PRKACB: variants seen among roughly 807,000 people sequenced by gnomAD.
The protein encoded by PRKACB is cAMP-dependent protein kinase catalytic subunit beta.
In PRKACB, 16 loss-of-function variants were observed where a neutral mutation model predicts 51.4. The ratio of observed to expected loss-of-function variants is 0.31; its 90% confidence interval spans 0.21 to 0.47. PRKACB has a LOEUF of 0.47. Among genes scored for constraint, PRKACB ranks in the 20% least tolerant of loss-of-function variants. PRKACB has a pLI of 1.00. For missense variants in PRKACB, 309 were observed against 464.5 expected (o/e 0.67, Z 3.08); for synonymous variants, 147 against 154.4 (o/e 0.95, Z 0.35).
At chr1:84,192,934 G>A (rs1305365393) in intron 5 of PRKACB, among the ~76,000 whole-genome samples, 1 of 152,064 alleles carries the variant, frequency 6.6e-6, no homozygotes, top group African/African-American at 2.4e-5. Context: ...CACAGGTGCT[G>A]AATACACAAG....
chr1:84,195,902 G>A (rs1476637552), intron 5 of PRKACB, among the ~76,000 whole-genome samples: 1 of 97,804 alleles, frequency 1.0e-5, no homozygotes, highest in African/African-American at 3.8e-5. Flanking sequence ...AACAGAGCAA[G>A]ACTGTGTCTC....
intron 5 of PRKACB, among the ~76,000 whole-genome samples, chr1:84,194,900 C>T (rs1301989419): frequency 6.6e-6 from 1 of 152,064 alleles, no homozygotes; most frequent in African/African-American, 2.4e-5. Flanking sequence ...TACAGCACTC[C>T]AGCCTGGTGA....
intron 5 of PRKACB, among the ~76,000 whole-genome samples, chr1:84,191,770 C>T (rs1278260438): frequency 1.3e-5 from 2 of 152,036 alleles, no homozygotes; most frequent in Admixed American, 6.6e-5. Context: ...ATACCCCAAA[C>T]CTCAGGATCA....
chr1:84,085,998 GGT>G, intron 1 of PRKACB: 1 of 762,212 alleles, frequency 1.3e-6, no homozygotes, highest in Non-Finnish European at 2.4e-6. Flanking sequence ...CACGCACAGT[GGT>G]GTGGACCCTG....
Position 84,179,244 on chromosome 1 carries a change from G to A in PRKACB, c.249+6G>A, listed in dbSNP as rs759100084. The A allele has an allele frequency of 2.1e-5, 33 of 1,557,358 alleles. No homozygotes were observed. Among genetic ancestry groups the A allele is most frequent in the Non-Finnish European group, 2.8e-5 (32 of 1,154,604 alleles). On this transcript the variant is annotated splice_donor_region_variant and intron_variant, in intron 2 of 9. Coordinates refer to ENST00000370685, the MANE Select transcript of PRKACB (RefSeq NM_182948.4). ...AATGGGAGAATCCAACTCAGGTAAG[G>A]AATATTTAGATTTTTCTAAAATTAA...
At chr1:84,112,641 C>T (rs1017023704) in intron 1 of PRKACB, among the ~76,000 whole-genome samples, 4 of 152,184 alleles carry the variant, frequency 2.6e-5, no homozygotes, top group African/African-American at 9.6e-5. Flanking sequence ...TCATTTTCTG[C>T]TTAAATTGAC....
chr1:84,137,663 A>G (rs1383480674), intron 1 of PRKACB, among the ~76,000 whole-genome samples: 1 of 152,258 alleles, frequency 6.6e-6, no homozygotes, highest in Non-Finnish European at 1.5e-5. Context: ...TGGAGTCCGT[A>G]AGACTGGAGG....
At chr1:84,215,185 A>G (rs1185307859) in intron 9 of PRKACB, among the ~76,000 whole-genome samples, 4 of 151,370 alleles carry the variant, frequency 2.6e-5, no homozygotes, top group African/African-American at 9.7e-5. Context: ...GGAAGGTCAA[A>G]GCAAATTATC....
chr1:84,164,891 T>A, intron 1 of PRKACB: 2 of 1,462,004 alleles, frequency 1.4e-6, no homozygotes, highest in Non-Finnish European at 1.8e-6. Context: ...GTGTGCTGCA[T>A]GCTCCAGTGT....
At chr1:84,127,816 G>T (rs1651764499) in intron 1 of PRKACB, among the ~76,000 whole-genome samples, 1 of 151,678 alleles carries the variant, frequency 6.6e-6, no homozygotes, top group Admixed American at 6.6e-5. Flanking sequence ...ATGTTTTGAA[G>T]AAAATATAAT....
At chr1:84,102,866 T>C (rs184099418) in intron 1 of PRKACB, among the ~76,000 whole-genome samples, 15 of 152,324 alleles carry the variant, frequency 9.8e-5, no homozygotes, top group African/African-American at 3.1e-4. Flanking sequence ...GACTTTAGAA[T>C]TGCTATTGAT....
intron 5 of PRKACB, among the ~76,000 whole-genome samples, chr1:84,189,409 G>T (rs925343343): frequency 9.3e-5 from 14 of 151,246 alleles, no homozygotes; most frequent in African/African-American, 3.4e-4. Context: ...GTTTTTCTAG[G>T]CCTTTAAGAT....
chr1:84,138,680 G>A (rs1312916224), intron 1 of PRKACB, among the ~76,000 whole-genome samples: 1 of 152,128 alleles, frequency 6.6e-6, no homozygotes, highest in Admixed American at 6.6e-5. Flanking sequence ...AACTTATTTT[G>A]TGAAGCCAAT....
intron 5 of PRKACB, among the ~76,000 whole-genome samples, chr1:84,196,366 G>A (rs1668246927): frequency 6.6e-6 from 1 of 152,090 alleles, no homozygotes; most frequent in Non-Finnish European, 1.5e-5. Flanking sequence ...GATTCACAAT[G>A]AGCTAACTAT....
At chr1:84,223,469 C>T (rs1391964340) in intron 9 of PRKACB, among the ~76,000 whole-genome samples, 2 of 150,984 alleles carry the variant, frequency 1.3e-5, no homozygotes, top group Non-Finnish European at 3.0e-5. Flanking sequence ...CCTGGGTTCA[C>T]GCCATTCTCC....
At chr1:84,096,741 C>G (rs534897812) in intron 1 of PRKACB, among the ~76,000 whole-genome samples, 17 of 151,910 alleles carry the variant, frequency 1.1e-4, no homozygotes, top group East Asian at 5.8e-4. Context: ...AGTATTTTTT[C>G]TTTTTGTAAA....
chr1:84,203,189 T>C (rs765167604), intron 8 of PRKACB, among the ~76,000 whole-genome samples: 15 of 152,052 alleles, frequency 9.9e-5, no homozygotes, highest in Non-Finnish European at 1.3e-4. Context: ...ACTTCTTGTT[T>C]TAATTATGTC....
chr1:84,131,330 G>A (rs1652172657), intron 1 of PRKACB, among the ~76,000 whole-genome samples: 1 of 119,664 alleles, frequency 8.4e-6, no homozygotes, highest in African/African-American at 3.2e-5. Context: ...GGCAATAAGA[G>A]CAAAACTCCA....
At chr1:84,222,983 G>A (rs981628863) in intron 9 of PRKACB, among the ~76,000 whole-genome samples, 1 of 152,118 alleles carries the variant, frequency 6.6e-6, no homozygotes, top group South Asian at 2.1e-4. Context: ...AGTAAAGTGT[G>A]TCTTGGAAAA....
Sources: allele counts gnomAD v4.1 joint callset (sites outside exome capture counted in the v4.1 genomes callset), GRCh38; gene constraint gnomAD v4.1.1; transcripts MANE v1.5; gene names NCBI Gene and HGNC (gene_info 2026-07-23, HGNC 2026-07-21).